Variants in PM20D2 observed in about 807,000 individuals in gnomAD.
The protein encoded by PM20D2 is xaa-Arg dipeptidase.
PM20D2 carries 33 observed loss-of-function variants against 42.9 expected under a neutral mutation model. That is an observed-to-expected ratio of 0.77 (90% CI 0.58 to 1.03). PM20D2 has a LOEUF of 1.03. Among genes scored for constraint, PM20D2 ranks in the 50% least tolerant of loss-of-function variants. The pLI is 0.00. For synonymous variants in PM20D2, 250 were observed against 228.2 expected, an observed-to-expected ratio of 1.10 and a Z score of -0.86; for missense variants, 548 against 557.0, an observed-to-expected ratio of 0.98 and a Z score of 0.16.
chr6:89,106,857 C>T, the PM20D2 span: 4 of 408,250 alleles, frequency 9.8e-6, no homozygotes, highest in Non-Finnish European at 1.9e-5. Flanking sequence ...TTGATAAAGA[C>T]TTCCCCTCTT....
At chr6:89,099,218 A>C in the PM20D2 span, among the ~76,000 whole-genome samples, 1 of 151,776 alleles carries the variant, frequency 6.6e-6, no homozygotes, top group Non-Finnish European at 1.5e-5. Flanking sequence ...ATTTGGTCTG[A>C]GTTATACAGC....
At chr6:89,140,410 C>T in the PM20D2 span, among the ~76,000 whole-genome samples, 2 of 152,108 alleles carry the variant, frequency 1.3e-5, no homozygotes, top group South Asian at 2.1e-4. Flanking sequence ...ACAAATTGAC[C>T]AGGAAGTTTG....
rs997994611 is a variant in PM20D2 at position 89,146,081 on chromosome 6, G to A, written c.-64G>A. ...TGGAGGCCTCTGGGCGCGTGCGCGG[G>A]CGGTCGCTACCTGCGGCCGAGCCAG... On this transcript the variant is annotated 5_prime_UTR_variant, in exon 1 of 7. Coordinates refer to ENST00000275072, the MANE Select transcript of PM20D2 (RefSeq NM_001010853.3). 1 of 1,325,736 alleles carries A rather than the reference G, an allele frequency of 7.5e-7. No homozygotes were observed. Among genetic ancestry groups the A allele is most frequent in the Non-Finnish European group, 9.7e-7 (1 of 1,033,374 alleles). The allele number at this position is 1,325,736 out of a possible 1,614,324, so 82.1% of individuals were successfully genotyped here. A position where few individuals can be genotyped will look rare whatever the true frequency, so the allele number is the denominator to read the frequency against.
chr6:89,164,668 A>G lies in PM20D2; in HGVS notation c.*2405A>G, dbSNP rs2127784244. ...ATCAGTTAATGTCTTTAGCACACTA[A>G]AGCAGTATTAAACACAGGTACAAGT... On this transcript the variant is annotated 3_prime_UTR_variant, in exon 7 of 7. Transcript: ENST00000275072. 1 of 152,628 alleles carries G rather than the reference A, an allele frequency of 6.6e-6. No individual in the cohort carries two copies. Among genetic ancestry groups the G allele is most frequent in the African/African-American group, 2.4e-5 (1 of 41,562 alleles). 9.5% of individuals were successfully genotyped at this position (152,628 alleles called of 1,614,324 possible). A position where few individuals can be genotyped will look rare whatever the true frequency, so the allele number is the denominator to read the frequency against.
chr6:89,157,792 G>A (rs948593772), intron 4 of PM20D2, among the ~76,000 whole-genome samples: 4 of 152,136 alleles, frequency 2.6e-5, no homozygotes, highest in African/African-American at 9.7e-5. Context: ...ATCACATGAA[G>A]TCAGGAGTTT....
At position 89,164,228 on chromosome 6, in the gene PM20D2, AT is replaced by A. The variant is rs1771335400; in HGVS notation, c.*1968del. On this transcript the variant is annotated 3_prime_UTR_variant, in exon 7 of 7. Coordinates refer to ENST00000275072, the MANE Select transcript of PM20D2 (RefSeq NM_001010853.3). ...CTTGTATAAACTTAAAAGTGTTTTG[AT>A]TTCCCACAATTTCCCAAAGGAATGT... 1 of 152,162 alleles carries A rather than the reference AT, an allele frequency of 6.6e-6. No homozygotes were observed. The highest frequency in any genetic ancestry group is 2.1e-4 in the South Asian group (1 of 4,832). The allele number at this position is 152,162 out of a possible 1,614,324, so 9.4% of individuals were successfully genotyped here.
intron 1 of PM20D2, among the ~76,000 whole-genome samples, chr6:89,147,111 G>T (rs747714023): frequency 6.6e-6 from 1 of 152,130 alleles, no homozygotes; most frequent in Non-Finnish European, 1.5e-5. Context: ...ATTTTCAGTC[G>T]CTAGAACCAC....
the PM20D2 span, among the ~76,000 whole-genome samples, chr6:89,138,193 G>A: frequency 6.6e-6 from 1 of 151,730 alleles, no homozygotes; most frequent in South Asian, 2.1e-4. Flanking sequence ...CCTAAGTGTT[G>A]GGAGTACAGG....
chr6:89,108,725 T>A, the PM20D2 span, among the ~76,000 whole-genome samples: 9,550 of 152,232 alleles, frequency 0.063, 866 homozygotes, highest in African/African-American at 0.2. Flanking sequence ...AGAAATGCAG[T>A]ATTTGAGGTG....
chr6:89,129,696 C>T, the PM20D2 span, among the ~76,000 whole-genome samples: 4 of 150,312 alleles, frequency 2.7e-5, no homozygotes, highest in African/African-American at 4.9e-5. Context: ...TGGGCTCAAG[C>T]AGTCCTCCCA....
At chr6:89,135,107 TAAC>T in the PM20D2 span, among the ~76,000 whole-genome samples, 1 of 151,056 alleles carries the variant, frequency 6.6e-6, no homozygotes, top group African/African-American at 2.5e-5. Context: ...GGAAGGAGAC[TAAC>T]AACTATTGCT....
At chr6:89,155,053 A>G (rs563552278) in intron 4 of PM20D2, 151 bp downstream of exon 4, 16 of 656,886 alleles carry the variant, frequency 2.4e-5, no homozygotes, top group African/African-American at 1.7e-4. Context: ...AAAGTCTTTA[A>G]TTTTTACACG....
chr6:89,112,066 G>A, the PM20D2 span, among the ~76,000 whole-genome samples: 1 of 151,980 alleles, frequency 6.6e-6, no homozygotes, highest in African/African-American at 2.4e-5. Context: ...GGAGTGCAAG[G>A]GCGTGATCTC....
At chr6:89,120,949 A>C in the PM20D2 span, among the ~76,000 whole-genome samples, 1 of 152,174 alleles carries the variant, frequency 6.6e-6, no homozygotes, top group Admixed American at 6.5e-5. Flanking sequence ...TTACCTATTC[A>C]GGTATAGGTA....
chr6:89,146,959 T>C (rs1376103685), intron 1 of PM20D2, among the ~76,000 whole-genome samples: 2 of 152,264 alleles, frequency 1.3e-5, no homozygotes, highest in Non-Finnish European at 2.9e-5. Context: ...AGCAATTTGC[T>C]GACAAGGTTG....
At chr6:89,149,534 A>C (rs1770756847) in intron 2 of PM20D2, 121 bp downstream of exon 2, 6 of 1,231,606 alleles carry the variant, frequency 4.9e-6, no homozygotes, top group Non-Finnish European at 5.6e-6. Context: ...GAAAGACAAT[A>C]ACAAGATGTC....
chr6:89,129,448 C>T, the PM20D2 span, among the ~76,000 whole-genome samples: 1 of 152,124 alleles, frequency 6.6e-6, no homozygotes, highest in Non-Finnish European at 1.5e-5. Flanking sequence ...AGTGCCACTG[C>T]TTTCCAACCC....
upstream of PM20D2, among the ~76,000 whole-genome samples, chr6:89,144,680 TC>T (rs1770461079): frequency 6.6e-6 from 1 of 152,250 alleles, no homozygotes; most frequent in African/African-American, 2.4e-5. Context: ...GAGTAATTGC[TC>T]TACAAATGTC....
upstream of PM20D2, among the ~76,000 whole-genome samples, chr6:89,142,409 T>C (rs1770353909): frequency 6.6e-6 from 1 of 152,112 alleles, no homozygotes; most frequent in African/African-American, 2.4e-5. Context: ...ACACTGTGAT[T>C]TGCTTCTTCT....
Sources: allele counts gnomAD v4.1 joint callset (sites outside exome capture counted in the v4.1 genomes callset), GRCh38; gene constraint gnomAD v4.1.1; transcripts MANE v1.5; gene names NCBI Gene and HGNC (gene_info 2026-07-23, HGNC 2026-07-21).